Variants in IQSEC3 observed in about 807,000 individuals in gnomAD.
IQSEC3 encodes the protein IQ motif and Sec7 domain ArfGEF 3.
Under a neutral mutation model 105.4 loss-of-function variants are expected in IQSEC3, and 50 were observed. The ratio of observed to expected loss-of-function variants is 0.47; its 90% CI spans 0.38 to 0.60. The LOEUF (loss-of-function observed/expected upper bound fraction) is 0.60, where lower values mean the gene tolerates loss of function less well. Among genes scored for constraint, IQSEC3 ranks in the 20% least tolerant of loss-of-function variants. The pLI, the probability that IQSEC3 is intolerant of heterozygous loss-of-function variation, is 0.00. For missense variants in IQSEC3, 1,415 were observed against 1,630.0 expected, an observed-to-expected ratio of 0.87 and a Z score of 2.27; for synonymous variants, 708 against 746.0, an observed-to-expected ratio of 0.95 and a Z score of 0.83.
At chr12:111,139 C>A (rs547318342) in intron 2 of IQSEC3, among the ~76,000 whole-genome samples, 2 of 152,186 alleles carry the variant, frequency 1.3e-5, no homozygotes, top group African/African-American at 4.8e-5. Flanking sequence ...TGCTCTTTTT[C>A]TTCTTTTTAA....
chr12:131,003 CCCCAG>C (rs1565418771), intron 3 of IQSEC3, among the ~76,000 whole-genome samples: 3 of 49,754 alleles, frequency 6.0e-5, no homozygotes, highest in Non-Finnish European at 8.4e-5. Flanking sequence ...GCACTGTGCC[CCCCAG>C]CTAGCGGCTC....
chr12:114,784 C>T (rs1398349193), intron 2 of IQSEC3, among the ~76,000 whole-genome samples: 1 of 152,238 alleles, frequency 6.6e-6, no homozygotes, highest in Non-Finnish European at 1.5e-5. Context: ...AGGCTTATGG[C>T]CTGGCACTGT....
chr12:94,370 CTT>C (rs1555074254), intron 1 of IQSEC3, among the ~76,000 whole-genome samples: 1 of 152,226 alleles, frequency 6.6e-6, no homozygotes, highest in Admixed American at 6.5e-5. Context: ...GGTCAGGAAA[CTT>C]AGACCATGAC....
intron 1 of IQSEC3, 120 bp from the exon 2 acceptor site, chr12:99,026 G>A: frequency 1.2e-6 from 1 of 823,558 alleles, no homozygotes; most frequent in Non-Finnish European, 1.9e-6. Flanking sequence ...TTTTTACACA[G>A]GGGCTCAAAA....
At position 152,765 on chromosome 12, in the gene IQSEC3, G is replaced by T. The variant is rs1331797895; in HGVS notation, c.2154-4260G>T. On this transcript the variant is annotated intron_variant, in intron 5 of 13. Coordinates refer to ENST00000538872, the MANE Select transcript of IQSEC3 (RefSeq NM_001170738.2). This position sits in a 1 kb window ranked among gnomAD's most constrained non-coding sequence, Gnocchi z 4.8. ...GGCAGGGAGAGGCCTCACAAGATTA[G>T]GAAGCTGAAAGCCTGCTCTCCCTAG... 6.6e-6 allele frequency among the ~76,000 whole-genome samples: 1 copy of T among 152,208 alleles called. No individual in the cohort carries two copies. The highest frequency in any genetic ancestry group is 2.4e-5 in the African/African-American group (1 of 41,460).
chr12:68,957 A>G (rs1456507609), intron 1 of IQSEC3, among the ~76,000 whole-genome samples: 12 of 151,998 alleles, frequency 7.9e-5, no homozygotes, highest in Non-Finnish European at 1.6e-4. Context: ...ACCCCTTTGT[A>G]CTTCCCTCAG....
At chr12:117,392 G>A (rs1187666442) in intron 2 of IQSEC3, among the ~76,000 whole-genome samples, 4 of 152,260 alleles carry the variant, frequency 2.6e-5, no homozygotes, top group African/African-American at 9.6e-5. Flanking sequence ...AAAGACAGTA[G>A]GATTCCGGGG....
chr12:102,721 G>T (rs560374019), intron 2 of IQSEC3, among the ~76,000 whole-genome samples: 186 of 152,318 alleles, frequency 1.2e-3, no homozygotes, highest in Admixed American at 1.7e-3. Flanking sequence ...GCTGGGAGCC[G>T]GACAGGGAGT....
rs782793319 is a variant in IQSEC3, at chr12:138,844, A to G, written c.1481A>G (p.Asn494Ser). Reference sequence around the variant, plus strand: ...CGGGACGTCACGGTGCAGATCGCCAACCAGAACATATCCGTCTCCTCCTCC... The same window carrying G: ...CGGGACGTCACGGTGCAGATCGCCAGCCAGAACATATCCGTCTCCTCCTCC... ...AFRDVTVQIANQNISVSSSTA... is the reference protein window; with the variant it reads ...AFRDVTVQIASQNISVSSSTA... Residue 494 changes from asparagine (N) to serine (S), a missense_variant, in exon 4 of 14, where the codon AAC (asparagine) becomes AGC (serine). Asn to Ser is a conservative substitution (Grantham distance 46). Coordinates refer to ENST00000538872, the MANE Select transcript of IQSEC3 (RefSeq NM_001170738.2). This position sits in a 1 kb window ranked among gnomAD's most constrained non-coding sequence, Gnocchi z 7.1. The G allele has an allele frequency of 6.2e-7, 1 of 1,612,308 alleles. No individual in the cohort carries two copies. Among genetic ancestry groups the G allele is most frequent in the Non-Finnish European group, 8.5e-7 (1 of 1,179,400 alleles).
chr12:73,430 ATAAAG>A (rs1241955669), intron 1 of IQSEC3, among the ~76,000 whole-genome samples: 1 of 152,266 alleles, frequency 6.6e-6, no homozygotes, highest in African/African-American at 2.4e-5. Context: ...ATTTCTACAG[ATAAAG>A]AAACCAAGAT....
At chr12:171,397 C>T (rs1286053273) in intron 13 of IQSEC3, 28 of 1,376,048 alleles carry the variant, frequency 2.0e-5, no homozygotes, top group Middle Eastern at 1.8e-4. Context: ...TGCTGCCCTC[C>T]GAGGCCGAGC....
In IQSEC3 at chr12:174,853, G is replaced by T; in HGVS notation, c.3369G>T (p.Ser1123=). Residue 1123 remains serine (S), a synonymous_variant, in exon 14 of 14, where the codon TCG becomes TCT. Transcript: ENST00000538872. Reference sequence around the variant, plus strand: ...GCCAGGCTCTCTCCTGCTACACCTCGTCGTCCTCTGACTCCTGCGGCTCCA... The same window carrying T: ...GCCAGGCTCTCTCCTGCTACACCTCTTCGTCCTCTGACTCCTGCGGCTCCA... The part of the protein sequence containing the change: ...LLSQALSCYT[S]SSSDSCGSTP... 2 of 1,579,238 alleles carry T rather than the reference G, an allele frequency of 1.3e-6. No individual in the cohort carries two copies. Among genetic ancestry groups the T allele is most frequent in the Non-Finnish European group, 8.5e-7 (1 of 1,171,232 alleles).
chr12:166,017 C>A, intron 11 of IQSEC3, 127 bp downstream of exon 11: 1 of 997,646 alleles, frequency 1.0e-6, no homozygotes, highest in Non-Finnish European at 1.5e-6. Context: ...GTGTCCAGGC[C>A]CCACCGCACC....
Position 85,628 on chromosome 12 carries a change from G to A in IQSEC3, c.555-13518G>A, listed in dbSNP as rs986120362. On this transcript the variant is annotated intron_variant, in intron 1 of 13. Transcript: ENST00000538872. ...TTCTGGGGCTGGGCTGAGTGGCGGG[G>A]TGAGCATGGCCGAAAAGGAAGCTAG... Among the ~76,000 whole-genome samples the A allele has an allele frequency of 4.6e-5, 7 of 152,216 alleles. No homozygotes were observed. The East Asian group carries it at 1.3e-3, about 29-fold the overall frequency.
intron 1 of IQSEC3, among the ~76,000 whole-genome samples, chr12:69,989 G>C (rs2136855093): frequency 6.6e-6 from 1 of 152,396 alleles, no homozygotes; most frequent in South Asian, 2.1e-4. Flanking sequence ...TGCTCCTGGG[G>C]AGCTCCCCGC....
Position 139,085 on chromosome 12 carries a change from A to AGAGGAGGAG in IQSEC3, c.1729_1737dup (p.Glu577_Glu579dup). 1 of 1,493,902 alleles carries AGAGGAGGAG rather than the reference A, an allele frequency of 6.7e-7. No homozygotes were observed. Among genetic ancestry groups the AGAGGAGGAG allele is most frequent in the Non-Finnish European group, 8.9e-7 (1 of 1,120,550 alleles). The allele number at this position is 1,493,902 out of a possible 1,614,324, so 92.5% of individuals were successfully genotyped here. On this transcript the variant is annotated inframe_insertion, in exon 4 of 14. Transcript: ENST00000538872. ...CCACAGCCCCCAAAACAGAGGAGGA[A>AGAGGAGGAG]GAGGAGGAGGAGGAGACGGCGGAGG... is the stretch of plus-strand genomic sequence containing the variant.
At chr12:84,480 A>G (rs1450641050) in intron 1 of IQSEC3, among the ~76,000 whole-genome samples, 1 of 152,210 alleles carries the variant, frequency 6.6e-6, no homozygotes, top group Admixed American at 6.5e-5. Context: ...GTGTGTATGT[A>G]TGCATTTACA....
chr12:85,727 A>T (rs1863896578), intron 1 of IQSEC3, among the ~76,000 whole-genome samples: 1 of 152,188 alleles, frequency 6.6e-6, no homozygotes, highest in Admixed American at 6.5e-5. Context: ...TGCCAGGTAG[A>T]TGCCAAGGCT....
chr12:171,868 G>C (rs1418295777), intron 13 of IQSEC3, among the ~76,000 whole-genome samples: 2 of 152,088 alleles, frequency 1.3e-5, no homozygotes, highest in Non-Finnish European at 2.9e-5. Flanking sequence ...CTGCCCATTT[G>C]GCTCCATGCC....
Sources: gnomAD v4.1 joint callset for allele counts (sites outside exome capture counted in the v4.1 genomes callset) on GRCh38, gnomAD v4.1.1 for gene constraint, Gnocchi (gnomAD v3.1) non-coding constraint, MANE v1.5 for transcripts, NCBI Gene and HGNC (gene_info 2026-07-23, HGNC 2026-07-21) for gene names.